The following CLN8 variants were observed in gnomAD, a reference collection of about 807,000 sequenced individuals.
CLN8 encodes the protein CLN8 transmembrane ER and ERGIC protein.
In CLN8, 14 loss-of-function variants were observed where a neutral mutation model predicts 15.7. The ratio of observed to expected loss-of-function variants is 0.89; its 90% CI spans 0.59 to 1.39. The LOEUF (loss-of-function observed/expected upper bound fraction) is 1.39, where lower values mean the gene tolerates loss of function less well. CLN8 is among the 40% of genes most tolerant of loss of function. The pLI is 0.00. For synonymous variants in CLN8, 188 were observed against 151.0 expected, an observed-to-expected ratio of 1.25 and a Z score of -1.80; for missense variants, 415 against 364.0, an observed-to-expected ratio of 1.14 and a Z score of -1.14.
chr8:1,777,950 G>A (rs1801579042), intron 2 of CLN8, among the ~76,000 whole-genome samples: 1 of 152,264 alleles, frequency 6.6e-6, no homozygotes, highest in African/African-American at 2.4e-5. Flanking sequence ...TGGAACCACT[G>A]TCTATACACT....
upstream of CLN8, chr8:1,759,189 C>T (rs1388818934): frequency 6.6e-6 from 1 of 152,170 alleles, no homozygotes; most frequent in African/African-American, 2.4e-5. Context: ...AGGAGCCTGT[C>T]CCACCCCCAC....
upstream of CLN8, among the ~76,000 whole-genome samples, chr8:1,754,002 G>A (rs937457982): frequency 6.6e-6 from 1 of 152,204 alleles, no homozygotes; most frequent in African/African-American, 2.4e-5. Context: ...AGGATAAGCT[G>A]TGAGTCTGCC....
At position 1,771,553 on chromosome 8, in the gene CLN8, G is replaced by C. The variant is rs144495588; in HGVS notation, c.499G>C (p.Glu167Gln). ...TCTAGCTATGACCACGTTGCTCCTGGAGATGAGCACGCCCTTTACCTGCGT... is the reference window on the plus strand; with the variant it reads ...TCTAGCTATGACCACGTTGCTCCTGCAGATGAGCACGCCCTTTACCTGCGT... ...HYLAMTTLLL[E>Q]MSTPFTCVSW... is the part of the protein sequence containing the mutation. Residue 167 changes from glutamate to glutamine, a missense_variant, in exon 2 of 3, where the codon GAG becomes CAG. Physicochemically the swap from Glu to Gln is conservative, Grantham distance 29 (BLOSUM62 2). Coordinates refer to ENST00000331222, the MANE Select transcript of CLN8 (RefSeq NM_018941.4). 3 of 1,614,058 alleles carry C rather than the reference G, an allele frequency of 1.9e-6. No individual in the cohort carries two copies. The highest frequency in any genetic ancestry group is 2.5e-6 in the Non-Finnish European group (3 of 1,180,010).
Position 1,782,794 on chromosome 8 carries a change from A to G in CLN8, c.*2227A>G, listed in dbSNP as rs1197617739. 1 of 152,250 alleles carries G rather than the reference A, an allele frequency of 6.6e-6. No homozygotes were observed. Among genetic ancestry groups the G allele is most frequent in the African/African-American group, 2.4e-5 (1 of 41,468 alleles). The allele number at this position is 152,250 out of a possible 1,614,324, so 9.4% of individuals were successfully genotyped here. A position where few individuals can be genotyped will look rare whatever the true frequency, so the allele number is the denominator to read the frequency against. On this transcript the variant is annotated 3_prime_UTR_variant, in exon 3 of 3. Coordinates refer to ENST00000331222, the MANE Select transcript of CLN8 (RefSeq NM_018941.4). ...TAGAAAATATAATGATAAATTCATCATGTGTTCAGAATTCGATTTGGAGTT... is the reference window on the plus strand; with the variant it reads ...TAGAAAATATAATGATAAATTCATCGTGTGTTCAGAATTCGATTTGGAGTT...
At chr8:1,775,674 G>T (rs1380237547) in intron 2 of CLN8, among the ~76,000 whole-genome samples, 1 of 152,226 alleles carries the variant, frequency 6.6e-6, no homozygotes, top group Non-Finnish European at 1.5e-5. Flanking sequence ...AGTGAATAAA[G>T]ACTGAGCTCG....
chr8:1,779,231 G>A (rs1052768290), intron 2 of CLN8, among the ~76,000 whole-genome samples: 2 of 152,248 alleles, frequency 1.3e-5, no homozygotes, highest in South Asian at 2.1e-4. Context: ...CCAGAAGAAC[G>A]TGTTAGAATT....
intron 1 of CLN8, 120 bp from the exon 2 acceptor site, chr8:1,770,812 A>G (rs1329184612): frequency 8.4e-6 from 5 of 592,976 alleles, no homozygotes; most frequent in Non-Finnish European, 9.0e-6. Context: ...GCACCCTTGT[A>G]AGTTCATTAA....
chr8:1,767,434 C>G (rs776723167), intron 1 of CLN8, among the ~76,000 whole-genome samples: 3 of 152,132 alleles, frequency 2.0e-5, no homozygotes, highest in African/African-American at 7.2e-5. Context: ...ATATGGTAAT[C>G]TCTCCAAAAA....
At chr8:1,759,980 C>CT (rs1402210201), upstream of CLN8, 1 of 152,158 alleles carries the variant, frequency 6.6e-6, no homozygotes, top group African/African-American at 2.4e-5. Flanking sequence ...TTAAAACAGT[C>CT]TTTTTTGTAA....
Position 1,780,475 on chromosome 8 carries a change from C to A in CLN8, c.769C>A (p.Leu257Ile). Residue 257 changes from leucine (L) to isoleucine (I), a missense_variant, in exon 3 of 3, where the codon CTT (leucine) becomes ATT (isoleucine). By Grantham distance (5) the Leu-to-Ile change is conservative. Transcript: ENST00000331222. ...TTGGACCCATAAGAAGACTCAGCAG[C>A]TTCTCAATCCGGTGGACTGGAACTT... Reference protein sequence around the residue: ...PYWTHKKTQQLLNPVDWNFAQ... With the variant: ...PYWTHKKTQQILNPVDWNFAQ... The A allele has an allele frequency of 1.2e-6, 2 of 1,614,226 alleles. No individual in the cohort carries two copies. Among genetic ancestry groups the A allele is most frequent in the Non-Finnish European group, 8.5e-7 (1 of 1,180,050 alleles).
intron 2 of CLN8, among the ~76,000 whole-genome samples, chr8:1,779,535 G>A (rs576279622): frequency 3.2e-4 from 48 of 152,204 alleles, no homozygotes; most frequent in African/African-American, 4.3e-4. Context: ...GTGAGCCACC[G>A]TGCCTGGCCC....
chr8:1,754,407 G>A (rs549351701), upstream of CLN8, among the ~76,000 whole-genome samples: 323 of 152,236 alleles, frequency 2.1e-3, 3 homozygotes, highest in African/African-American at 7.6e-3. Flanking sequence ...TAAAAATGAA[G>A]TTTCCCTCTC....
In CLN8 at chr8:1,780,802, T is replaced by C. The variant is rs1801693870; in HGVS notation, c.*235T>C. The C allele has an allele frequency of 3.4e-6, 2 of 582,518 alleles. No individual in the cohort carries two copies. The highest frequency in any genetic ancestry group is 5.7e-5 in the East Asian group (2 of 34,890). The allele number at this position is 582,518 out of a possible 1,614,324, so 36.1% of individuals were successfully genotyped here. On this transcript the variant is annotated 3_prime_UTR_variant, in exon 3 of 3. Coordinates refer to ENST00000331222, the MANE Select transcript of CLN8 (RefSeq NM_018941.4). ...CTGTCAGTTTAGCCGCGCCGGACCG[T>C]GTCAAGCATCTAGGAGAGGAGTCCA...
intron 2 of CLN8, 173 bp from the exon 3 acceptor site, chr8:1,780,077 C>T (rs1043853764): frequency 2.1e-5 from 21 of 985,464 alleles, no homozygotes; most frequent in Non-Finnish European, 2.2e-5. Flanking sequence ...GAGCTGGTGG[C>T]CTCCTTTCAG....
At chr8:1,769,487 G>A (rs373160628) in intron 1 of CLN8, among the ~76,000 whole-genome samples, 1 of 152,176 alleles carries the variant, frequency 6.6e-6, no homozygotes, top group African/African-American at 2.4e-5. Flanking sequence ...CAGCCCTGCT[G>A]TCTGTTCGCT....
At chr8:1,773,105 C>T (rs1439266310) in intron 2 of CLN8, 1 of 394,070 alleles carries the variant, frequency 2.5e-6, no homozygotes, top group African/African-American at 2.1e-5. Context: ...CCTGGGAACT[C>T]AAGGAGGAAC....
chr8:1,769,182 T>C (rs1428568120), intron 1 of CLN8, among the ~76,000 whole-genome samples: 1 of 152,222 alleles, frequency 6.6e-6, no homozygotes, highest in Non-Finnish European at 1.5e-5. Flanking sequence ...CCTTTGATTA[T>C]AGACCATTAT....
At chr8:1,770,605 G>A (rs187721210) in intron 1 of CLN8, among the ~76,000 whole-genome samples, 4 of 152,264 alleles carry the variant, frequency 2.6e-5, no homozygotes, top group Admixed American at 2.0e-4. Context: ...TTCATCCTGC[G>A]ATGCCTGAAT....
intron 1 of CLN8, among the ~76,000 whole-genome samples, chr8:1,770,467 T>TA (rs2130988297): frequency 6.6e-6 from 1 of 152,238 alleles, no homozygotes; most frequent in Non-Finnish European, 1.5e-5. Flanking sequence ...TCCATGGCCT[T>TA]AACCAAGGAA....
Sources: gnomAD v4.1 joint callset for allele counts (sites outside exome capture counted in the v4.1 genomes callset) on GRCh38, gnomAD v4.1.1 for gene constraint, MANE v1.5 for transcripts, NCBI Gene and HGNC (gene_info 2026-07-23, HGNC 2026-07-21) for gene names.